Variants in FANCD2 observed in about 807,000 individuals in gnomAD.
The protein encoded by FANCD2 is Fanconi anemia group D2 protein.
FANCD2 carries 131 observed loss-of-function variants against 192.3 expected under a neutral mutation model. The ratio of observed to expected loss-of-function variants is 0.68; its 90% confidence interval spans 0.59 to 0.79. The LOEUF (loss-of-function observed/expected upper bound fraction) is 0.79, where lower values mean the gene tolerates loss of function less well. Ranked by LOEUF, FANCD2 falls within the 30% of genes least tolerant of loss-of-function variation. FANCD2 has a pLI of 0.00. For missense variants in FANCD2, 1,508 were observed against 1,701.6 expected, an observed-to-expected ratio of 0.89 and a Z score of 2.00; for synonymous variants, 524 against 612.5, an observed-to-expected ratio of 0.86 and a Z score of 2.13.
Position 10,095,253 on chromosome 3 carries a change from T to C in FANCD2, c.4017T>C (p.His1339=). The change falls in exon 41 of 44, where the codon CAT becomes CAC. Residue 1339 remains histidine, a synonymous_variant. Coordinates refer to ENST00000675286, the MANE Select transcript of FANCD2 (RefSeq NM_001018115.3). The part of the protein sequence containing the change: ...ETFQLDTRLL[H]HLCGHSKIHQ... Reference sequence around the variant, plus strand: ...TCCAGTTGGACACAAGGCTGCTTCATCACCTGTGTGGGCATTCCAAGGTAA... The same window carrying C: ...TCCAGTTGGACACAAGGCTGCTTCACCACCTGTGTGGGCATTCCAAGGTAA... 1 of 1,614,156 alleles carries C rather than the reference T, an allele frequency of 6.2e-7. No individual in the cohort carries two copies. Among genetic ancestry groups the C allele is most frequent in the Non-Finnish European group, 8.5e-7 (1 of 1,179,994 alleles).
intron 7 of FANCD2, among the ~76,000 whole-genome samples, chr3:10,038,845 T>G (rs904378648): frequency 6.6e-6 from 1 of 152,226 alleles, no homozygotes; most frequent in Non-Finnish European, 1.5e-5. Context: ...CCTCCCAAAG[T>G]GCTGGGATTA....
At chr3:10,081,654 C>A in intron 32 of FANCD2, 190 bp downstream of exon 32, 1 of 633,396 alleles carries the variant, frequency 1.6e-6, no homozygotes, top group South Asian at 1.7e-5. Flanking sequence ...TCCTTTGGAG[C>A]CACTATGTTA....
Position 10,074,526 on chromosome 3 carries a change from A to T in FANCD2, c.2716-4A>T. 6.2e-7 allele frequency: 1 copy of T among 1,612,106 alleles called. No homozygotes were observed. The highest frequency in any genetic ancestry group is 8.5e-7 in the Non-Finnish European group (1 of 1,178,598). On this transcript the variant is annotated splice_polypyrimidine_tract_variant and splice_region_variant and intron_variant, in intron 28 of 43. Transcript: ENST00000675286. The stretch of plus-strand genomic sequence containing the variant: ...TTCTCTTTGTTGCTGTGACTTCCCC[A>T]TAGGAGTTCACAGGGAAGGAAGAAA...
intron 18 of FANCD2, among the ~76,000 whole-genome samples, chr3:10,055,346 A>G (rs930765295): frequency 2.0e-5 from 3 of 152,072 alleles, no homozygotes; most frequent in Non-Finnish European, 2.9e-5. Context: ...CCACCCCCTA[A>G]TAATCACTAA....
chr3:10,043,993 A>G (rs1225581088), intron 14 of FANCD2, 129 bp downstream of exon 14: 3 of 768,626 alleles, frequency 3.9e-6, no homozygotes, highest in Non-Finnish European at 6.7e-6. Context: ...TAGTTGCTCT[A>G]ATAAACATTA....
At chr3:10,050,472 A>C (rs556513844) in intron 17 of FANCD2, among the ~76,000 whole-genome samples, 5 of 151,920 alleles carry the variant, frequency 3.3e-5, no homozygotes, top group South Asian at 2.1e-4. Context: ...AAAATACAAA[A>C]ATTAGCCGGG....
At chr3:10,070,303 C>T (rs1177677711) in intron 26 of FANCD2, among the ~76,000 whole-genome samples, 2 of 149,690 alleles carry the variant, frequency 1.3e-5, no homozygotes, top group Non-Finnish European at 3.0e-5. Context: ...CGTCTCCGCC[C>T]GGCAGCCACC....
At chr3:10,065,718 T>C (rs1479818089) in intron 24 of FANCD2, 146 bp from the exon 25 acceptor site, 10 of 711,624 alleles carry the variant, frequency 1.4e-5, no homozygotes, top group Non-Finnish European at 2.3e-5. Context: ...GATTGCTATA[T>C]GATATGCAAA....
chr3:10,085,920 C>A lies in FANCD2; in HGVS notation c.3333C>A (p.Leu1111=). 6.3e-7 allele frequency: 1 copy of A among 1,598,994 alleles called. No homozygotes were observed. The highest frequency in any genetic ancestry group is 8.6e-7 in the Non-Finnish European group (1 of 1,166,346). The change falls in exon 33 of 44, where the codon CTC becomes CTA. Residue 1111 remains leucine (L), a splice_region_variant and synonymous_variant. Coordinates refer to ENST00000675286, the MANE Select transcript of FANCD2 (RefSeq NM_001018115.3). Reference sequence around the variant, plus strand: ...ACAGCCAGCCTTTGGAGGAACTACTCAGGTGAGTCATAACTACATAGCCAA... The same window carrying A: ...ACAGCCAGCCTTTGGAGGAACTACTAAGGTGAGTCATAACTACATAGCCAA... ...GEHSQPLEEL[L]SQSVHYLQNF...
chr3:10,098,684 T>C (rs765642591), intron 42 of FANCD2, 36 bp from the exon 43 acceptor site: 6 of 1,612,398 alleles, frequency 3.7e-6, no homozygotes, highest in Non-Finnish European at 4.2e-6. Context: ...ATGTGATCAT[T>C]ATAACCCACC....
chr3:10,056,394 C>T (rs979038008), intron 18 of FANCD2, among the ~76,000 whole-genome samples: 6 of 152,244 alleles, frequency 3.9e-5, no homozygotes, highest in Non-Finnish European at 7.4e-5. Context: ...GAGGAACCAC[C>T]AAACTGCTTT....
intron 3 of FANCD2, among the ~76,000 whole-genome samples, chr3:10,033,746 G>C (rs2086659322): frequency 7.6e-6 from 1 of 131,672 alleles, no homozygotes; most frequent in Admixed American, 8.2e-5. Flanking sequence ...TGTCGCCCAG[G>C]CTGGAGTGCA....
chr3:10,053,521 G>C (rs189205221), intron 18 of FANCD2, among the ~76,000 whole-genome samples: 1 of 143,400 alleles, frequency 7.0e-6, no homozygotes, highest in Non-Finnish European at 1.5e-5. Flanking sequence ...AAAACTTACA[G>C]TATAATAATA....
intron 6 of FANCD2, among the ~76,000 whole-genome samples, chr3:10,035,823 C>T (rs781378092): frequency 2.6e-5 from 4 of 152,046 alleles, no homozygotes; most frequent in Non-Finnish European, 5.9e-5. Flanking sequence ...GAGAGCTCCC[C>T]TTGCAAGTTA....
chr3:10,061,677 T>A (rs2087570616), intron 19 of FANCD2, among the ~76,000 whole-genome samples: 1 of 152,270 alleles, frequency 6.6e-6, no homozygotes, highest in Admixed American at 6.5e-5. Flanking sequence ...TTAAAAAATA[T>A]GTACGAAAAA....
chr3:10,069,619 G>A (rs1693058225), intron 26 of FANCD2, among the ~76,000 whole-genome samples: 10 of 151,856 alleles, frequency 6.6e-5, no homozygotes, highest in Admixed American at 5.9e-4. Flanking sequence ...GCGCCGCCAC[G>A]CCTGACTGGT....
rs757215059 is a variant in FANCD2 at position 10,101,468 on chromosome 3, C to G, written c.*206C>G. ...TGCTGCAATCTTGGCTCACTGCAAC[C>G]TCCATCTCCTAGGTTCAAGCGATTC... is the stretch of plus-strand genomic sequence containing the variant. On this transcript the variant is annotated 3_prime_UTR_variant, in exon 44 of 44. Coordinates refer to ENST00000675286, the MANE Select transcript of FANCD2 (RefSeq NM_001018115.3). 2 of 526,292 alleles carry G rather than the reference C, an allele frequency of 3.8e-6. No individual in the cohort carries two copies. The highest frequency in any genetic ancestry group is 6.8e-6 in the Non-Finnish European group (2 of 292,834). The allele number at this position is 526,292 out of a possible 1,614,324, so 32.6% of individuals were successfully genotyped here. A position where few individuals can be genotyped will look rare whatever the true frequency, so the allele number is the denominator to read the frequency against.
rs1693351182 is a variant in FANCD2 at position 10,073,235 on chromosome 3, C to T, written c.2606-18C>T. 1 of 1,580,436 alleles carries T rather than the reference C, an allele frequency of 6.3e-7. No individual in the cohort carries two copies. Among genetic ancestry groups the T allele is most frequent in the East Asian group, 2.2e-5 (1 of 44,732 alleles). On this transcript the variant is annotated intron_variant, in intron 27 of 43. Transcript: ENST00000675286. ...ATTATTAATTACTTGAGTCACTTTT[C>T]TCTTTTTAATATAAAAGAAAGGAAA...
At chr3:10,064,186 A>G (rs1474900821) in intron 21 of FANCD2, among the ~76,000 whole-genome samples, 170 bp from the exon 22 acceptor site, 1 of 152,224 alleles carries the variant, frequency 6.6e-6, no homozygotes. Flanking sequence ...CCTTGTGCTA[A>G]GTGCTTTTTA....
Sources: gnomAD v4.1 joint callset for allele counts (sites outside exome capture counted in the v4.1 genomes callset) on GRCh38, gnomAD v4.1.1 for gene constraint, MANE v1.5 for transcripts, NCBI Gene and HGNC (gene_info 2026-07-23, HGNC 2026-07-21) for gene names.